Variants in MAP2K1 observed in about 807,000 individuals in gnomAD.
MAP2K1 encodes the protein dual specificity mitogen-activated protein kinase kinase 1.
Under a neutral mutation model 46.3 loss-of-function variants are expected in MAP2K1, and 16 were observed. That is an observed-to-expected ratio of 0.35 (90% CI 0.23 to 0.52). The LOEUF (loss-of-function observed/expected upper bound fraction) is 0.52, where lower values mean the gene tolerates loss of function less well. Ranked by LOEUF, MAP2K1 falls within the 20% of genes least tolerant of loss-of-function variation. The pLI, the probability that MAP2K1 is intolerant of heterozygous loss-of-function variation, is 0.94. For synonymous variants in MAP2K1, 183 were observed against 185.6 expected, an observed-to-expected ratio of 0.99 and a Z score of 0.11; for missense variants, 263 against 497.1, an observed-to-expected ratio of 0.53 and a Z score of 4.48.
intron 1 of MAP2K1, among the ~76,000 whole-genome samples, chr15:66,392,268 T>TTTTTTTTG: frequency 7.3e-6 from 1 of 136,646 alleles, no homozygotes; most frequent in Non-Finnish European, 1.6e-5. Flanking sequence ...TTTTTTTTTT[T>TTTTTTTTG]TTTTTTTTTT....
intron 5 of MAP2K1, among the ~76,000 whole-genome samples, chr15:66,467,433 C>T (rs1273402788): frequency 6.6e-6 from 1 of 152,186 alleles, no homozygotes; most frequent in Non-Finnish European, 1.5e-5. Flanking sequence ...TTTCCCCAAA[C>T]CCCCTTCCTG....
chr15:66,441,022 G>A (rs554027738), intron 3 of MAP2K1, among the ~76,000 whole-genome samples: 61 of 152,266 alleles, frequency 4.0e-4, no homozygotes, highest in South Asian at 2.7e-3. Context: ...GAGTGTGGTG[G>A]CATGATCATA....
At chr15:66,437,796 G>A (rs975820743) in intron 3 of MAP2K1, among the ~76,000 whole-genome samples, 10 of 152,134 alleles carry the variant, frequency 6.6e-5, no homozygotes, top group African/African-American at 2.4e-4. Context: ...ACATTTGTGG[G>A]TGCCATATGG....
At chr15:66,388,616 T>C (rs2093348810) in intron 1 of MAP2K1, among the ~76,000 whole-genome samples, 1 of 152,198 alleles carries the variant, frequency 6.6e-6, no homozygotes, top group Non-Finnish European at 1.5e-5. Flanking sequence ...ACTCCTGGAC[T>C]CTAGCGATCC....
chr15:66,391,328 G>A (rs1436104158), intron 1 of MAP2K1, among the ~76,000 whole-genome samples: 4 of 152,198 alleles, frequency 2.6e-5, no homozygotes, highest in South Asian at 2.1e-4. Context: ...TCGCTCTATC[G>A]CCCAGGCTGG....
At chr15:66,412,493 G>T (rs1483988196) in intron 1 of MAP2K1, among the ~76,000 whole-genome samples, 1 of 152,316 alleles carries the variant, frequency 6.6e-6, no homozygotes, top group South Asian at 2.1e-4. Context: ...TCCTGCATTT[G>T]TGTAGCTCTT....
intron 5 of MAP2K1, chr15:66,453,400 C>T (rs1892086367): frequency 1.5e-6 from 1 of 688,132 alleles, no homozygotes; most frequent in African/African-American, 1.8e-5. Context: ...ACTAGAAGGA[C>T]TTCTGTGTGG....
intron 1 of MAP2K1, among the ~76,000 whole-genome samples, chr15:66,431,840 GCT>G (rs1403183364): frequency 6.6e-6 from 1 of 152,068 alleles, no homozygotes; most frequent in Non-Finnish European, 1.5e-5. Context: ...TCTTCCTGAT[GCT>G]CTCTCTCCTC....
chr15:66,415,319 A>G (rs1238298945), intron 1 of MAP2K1: 4 of 315,146 alleles, frequency 1.3e-5, no homozygotes, highest in African/African-American at 2.3e-5. Context: ...AGACACTCCT[A>G]TTACTTGAGA....
chr15:66,404,811 T>C (rs1458526164), intron 1 of MAP2K1, among the ~76,000 whole-genome samples: 2 of 152,168 alleles, frequency 1.3e-5, no homozygotes, highest in Non-Finnish European at 2.9e-5. Context: ...CAGTGGTTCC[T>C]GAGGCACAGA....
At chr15:66,435,571 G>A (rs565590509) in intron 2 of MAP2K1, among the ~76,000 whole-genome samples, 45 of 152,016 alleles carry the variant, frequency 3.0e-4, no homozygotes, top group Non-Finnish European at 6.0e-4. Flanking sequence ...CAGGTGATAC[G>A]CCCGCCTCAG....
chr15:66,447,002 A>G (rs945832749), intron 5 of MAP2K1, among the ~76,000 whole-genome samples: 3 of 152,220 alleles, frequency 2.0e-5, no homozygotes, highest in African/African-American at 7.2e-5. Context: ...ATTGGTAAAC[A>G]TAGTGCTGTC....
At chr15:66,464,185 G>A (rs1892402923) in intron 5 of MAP2K1, among the ~76,000 whole-genome samples, 1 of 152,166 alleles carries the variant, frequency 6.6e-6, no homozygotes, top group African/African-American at 2.4e-5. Flanking sequence ...ATCTCTCGCG[G>A]CTAGGACAGT....
At chr15:66,398,881 C>T (rs551438002) in intron 1 of MAP2K1, among the ~76,000 whole-genome samples, 6 of 151,042 alleles carry the variant, frequency 4.0e-5, no homozygotes, top group African/African-American at 1.2e-4. Flanking sequence ...TCAAGTGATT[C>T]TTGTGGCTCA....
chr15:66,456,758 C>G (rs756744733), intron 5 of MAP2K1, among the ~76,000 whole-genome samples: 1 of 152,212 alleles, frequency 6.6e-6, no homozygotes, highest in Non-Finnish European at 1.5e-5. Flanking sequence ...GGGTTATACA[C>G]TCACCCCTGT....
intron 1 of MAP2K1, among the ~76,000 whole-genome samples, chr15:66,423,213 A>G (rs1595854236): frequency 1.3e-5 from 2 of 152,164 alleles, no homozygotes; most frequent in African/African-American, 4.8e-5. Flanking sequence ...TAAAATTTCT[A>G]GCATTTTAAT....
At chr15:66,476,832 G>A (rs533961026) in intron 5 of MAP2K1, among the ~76,000 whole-genome samples, 8 of 152,214 alleles carry the variant, frequency 5.3e-5, no homozygotes, top group Non-Finnish European at 1.0e-4. Flanking sequence ...GGAAGCAAGT[G>A]TGGGGTGCTG....
intron 8 of MAP2K1, chr15:66,488,744 T>C (rs149794554): frequency 8.3e-4 from 145 of 174,032 alleles, no homozygotes; most frequent in Non-Finnish European, 1.5e-3. Context: ...CTGCAGGTGC[T>C]GTCAGACCTG....
intron 5 of MAP2K1, among the ~76,000 whole-genome samples, chr15:66,456,535 T>A (rs1892169045): frequency 6.6e-6 from 1 of 152,158 alleles, no homozygotes; most frequent in Non-Finnish European, 1.5e-5. Flanking sequence ...TCAGTCAGAT[T>A]CTCTTCACTG....
Sources: allele counts gnomAD v4.1 joint callset (sites outside exome capture counted in the v4.1 genomes callset), GRCh38; gene constraint gnomAD v4.1.1; transcripts MANE v1.5; gene names NCBI Gene and HGNC (gene_info 2026-07-23, HGNC 2026-07-21).